The following COG5 variants were observed in gnomAD, a reference collection of about 807,000 sequenced individuals.
COG5 encodes component of oligomeric golgi complex 5.
A neutral mutation model predicts 110.4 loss-of-function variants in COG5; 86 were observed. That is an observed-to-expected ratio of 0.78 (90% CI 0.65 to 0.93). COG5 has a LOEUF of 0.93. COG5 is among the 40% of genes least tolerant of loss of function. The pLI, the probability that COG5 is intolerant of heterozygous loss-of-function variation, is 0.00. For synonymous variants in COG5, 360 were observed against 334.6 expected (o/e 1.08, Z -0.83); for missense variants, 1,077 against 987.0 (o/e 1.09, Z -1.22).
intron 5 of COG5, 31 bp downstream of exon 5, chr7:107,548,080 A>G (rs764859917): frequency 1.9e-6 from 3 of 1,563,778 alleles, no homozygotes; most frequent in South Asian, 1.1e-5. Flanking sequence ...AATGAATAAT[A>G]AAGTATAAAG....
At chr7:107,543,063 TA>T (rs999945848) in intron 5 of COG5, among the ~76,000 whole-genome samples, 12 of 151,758 alleles carry the variant, frequency 7.9e-5, no homozygotes, top group Non-Finnish European at 1.5e-4. Context: ...AATTTTTAGT[TA>T]AAAAAAATCA....
At chr7:107,546,980 C>T (rs576946871) in intron 5 of COG5, among the ~76,000 whole-genome samples, 1 of 152,244 alleles carries the variant, frequency 6.6e-6, no homozygotes, top group East Asian at 1.9e-4. Flanking sequence ...CCTTCTAAAA[C>T]TCTCCCCAAA....
chr7:107,356,240 C>T (rs1328398500), intron 10 of COG5, among the ~76,000 whole-genome samples: 1 of 152,084 alleles, frequency 6.6e-6, no homozygotes. Flanking sequence ...ATTACAGAAG[C>T]ATTGAAACCA....
intron 6 of COG5, among the ~76,000 whole-genome samples, chr7:107,438,516 C>A (rs1794498214): frequency 6.6e-6 from 1 of 152,210 alleles, no homozygotes. Context: ...GTGCACTGCA[C>A]ACGTTAGCAA....
At chr7:107,208,650 A>G (rs561253599) in intron 21 of COG5, 3 of 985,506 alleles carry the variant, frequency 3.0e-6, no homozygotes, top group East Asian at 2.3e-4. Flanking sequence ...TTTACCAGGA[A>G]CATTCACCGG....
chr7:107,512,947 G>A (rs1293631445), intron 6 of COG5, among the ~76,000 whole-genome samples: 1 of 151,974 alleles, frequency 6.6e-6, no homozygotes, highest in Non-Finnish European at 1.5e-5. Flanking sequence ...AAAAACCCTA[G>A]AAGAAAACCT....
chr7:107,411,996 A>T (rs926615720), intron 7 of COG5, among the ~76,000 whole-genome samples: 1 of 152,160 alleles, frequency 6.6e-6, no homozygotes, highest in Non-Finnish European at 1.5e-5. Flanking sequence ...AGAAATGTCA[A>T]GTCAAAAATT....
intron 6 of COG5, among the ~76,000 whole-genome samples, chr7:107,442,616 T>C (rs1794782253): frequency 6.8e-6 from 1 of 147,104 alleles, no homozygotes; most frequent in African/African-American, 2.5e-5. Context: ...AAATACAGTC[T>C]CATCTGAGGT....
intron 6 of COG5, among the ~76,000 whole-genome samples, chr7:107,514,596 T>C (rs1799787239): frequency 6.6e-6 from 1 of 152,188 alleles, no homozygotes; most frequent in African/African-American, 2.4e-5. Context: ...GAGTATAGCA[T>C]TGGTGGTTTA....
At chr7:107,438,521 T>C (rs894529277) in intron 6 of COG5, among the ~76,000 whole-genome samples, 1 of 152,238 alleles carries the variant, frequency 6.6e-6, no homozygotes, top group African/African-American at 2.4e-5. Flanking sequence ...CTGCACACGT[T>C]AGCAAACTTG....
chr7:107,310,985 A>C (rs1193575857), intron 11 of COG5, among the ~76,000 whole-genome samples: 3 of 152,094 alleles, frequency 2.0e-5, no homozygotes, highest in African/African-American at 7.2e-5. Flanking sequence ...CGTTCTGTGG[A>C]TTCAACATAG....
At chr7:107,215,722 ACTT>A (rs1286819172) in intron 19 of COG5, among the ~76,000 whole-genome samples, 11 of 143,966 alleles carry the variant, frequency 7.6e-5, no homozygotes, top group African/African-American at 2.2e-4. Flanking sequence ...GAGTCAACTC[ACTT>A]CTTTTTTTTT....
At chr7:107,547,672 C>T (rs1345269919) in intron 5 of COG5, among the ~76,000 whole-genome samples, 1 of 151,982 alleles carries the variant, frequency 6.6e-6, no homozygotes, top group African/African-American at 2.4e-5. Flanking sequence ...TAAATGCATA[C>T]AGTAAAGTCA....
At chr7:107,263,932 A>C (rs538677108) in intron 14 of COG5, among the ~76,000 whole-genome samples, 4 of 152,312 alleles carry the variant, frequency 2.6e-5, no homozygotes, top group Non-Finnish European at 5.9e-5. Flanking sequence ...AAAACTGACA[A>C]TTCAAGGGAT....
At chr7:107,476,581 A>T (rs1300491554) in intron 6 of COG5, among the ~76,000 whole-genome samples, 1 of 151,672 alleles carries the variant, frequency 6.6e-6, no homozygotes, top group Admixed American at 6.6e-5. Context: ...AACCCTAACT[A>T]CAGATTACAA....
intron 3 of COG5, among the ~76,000 whole-genome samples, chr7:107,549,462 C>G (rs564251756): frequency 2.6e-5 from 4 of 152,170 alleles, no homozygotes; most frequent in East Asian, 1.9e-4. Flanking sequence ...CTTGATCCCC[C>G]CTCACTGCAT....
intron 6 of COG5, among the ~76,000 whole-genome samples, chr7:107,522,319 T>G (rs1348611094): frequency 6.6e-6 from 1 of 152,074 alleles, no homozygotes; most frequent in African/African-American, 2.4e-5. Flanking sequence ...AAATACAAAA[T>G]TAGCCAGGCG....
chr7:107,444,376 C>A (rs1015879453), intron 6 of COG5, among the ~76,000 whole-genome samples: 1 of 152,066 alleles, frequency 6.6e-6, no homozygotes, highest in Non-Finnish European at 1.5e-5. Context: ...TCGCTCAGAG[C>A]AATAATTAAA....
intron 6 of COG5, among the ~76,000 whole-genome samples, chr7:107,490,425 C>T (rs1797912109): frequency 6.6e-6 from 1 of 151,554 alleles, no homozygotes; most frequent in Non-Finnish European, 1.5e-5. Context: ...AAAATACCAT[C>T]TTTTTTTTTC....
Sources: gnomAD v4.1 joint callset for allele counts (sites outside exome capture counted in the v4.1 genomes callset) on GRCh38, gnomAD v4.1.1 for gene constraint, MANE v1.5 for transcripts, NCBI Gene and HGNC (gene_info 2026-07-23, HGNC 2026-07-21) for gene names.